The following RORA variants were observed in gnomAD, a reference collection of about 807,000 sequenced individuals.
The protein encoded by RORA is RAR related orphan receptor A.
Under a neutral mutation model 69.5 loss-of-function variants are expected in RORA, and 7 were observed. The ratio of observed to expected loss-of-function variants is 0.10; its 90% confidence interval spans 0.06 to 0.19. The LOEUF (loss-of-function observed/expected upper bound fraction) is 0.19, where lower values mean the gene tolerates loss of function less well. Among genes scored for constraint, RORA ranks in the 10% least tolerant of loss-of-function variants. RORA has a pLI of 1.00. For missense variants in RORA, 457 were observed against 663.0 expected (o/e 0.69, Z 3.41); for synonymous variants, 261 against 240.8 (o/e 1.08, Z -0.78).
At position 60,768,015 on chromosome 15, in the gene RORA, A is replaced by G. The variant is rs149166593; in HGVS notation, c.167-89329T>C. Among the ~76,000 whole-genome samples the G allele has an allele frequency of 2.0e-3, 310 of 152,310 alleles. 4 individuals are homozygous for G. In the East Asian group the frequency reaches 0.026, roughly 13 times the overall value. ...AGTACTACTCCATGCAGGGTGGCCT[A>G]TGGGTGGAGTTTTCCTGGCTGAATC... On this transcript the variant is annotated intron_variant, in intron 1 of 10. Coordinates refer to ENST00000335670, the MANE Select transcript of RORA (RefSeq NM_134261.3).
At chr15:60,773,790 G>T (rs936246445) in intron 1 of RORA, among the ~76,000 whole-genome samples, 4 of 152,120 alleles carry the variant, frequency 2.6e-5, no homozygotes, top group African/African-American at 9.7e-5. Context: ...TATCGACTCT[G>T]GAAACATCCA....
At chr15:60,854,061 A>G (rs944603758) in intron 1 of RORA, among the ~76,000 whole-genome samples, 5 of 152,182 alleles carry the variant, frequency 3.3e-5, no homozygotes, top group African/African-American at 1.2e-4. Flanking sequence ...GAAGAGATCG[A>G]GACCATCCTG....
intron 2 of RORA, among the ~76,000 whole-genome samples, chr15:60,570,761 A>C (rs1247707897): frequency 4.6e-5 from 7 of 152,176 alleles, no homozygotes; most frequent in Admixed American, 4.6e-4. Flanking sequence ...TTAGAGGGTC[A>C]CAGTACAGTA....
At chr15:61,095,231 C>T (rs1566986271) in intron 1 of RORA, among the ~76,000 whole-genome samples, 1 of 151,970 alleles carries the variant, frequency 6.6e-6, no homozygotes, top group Non-Finnish European at 1.5e-5. Flanking sequence ...CTCAGGTGGG[C>T]GGCTGCTGCA....
At chr15:60,825,887 A>T (rs971367040) in intron 1 of RORA, among the ~76,000 whole-genome samples, 1 of 152,252 alleles carries the variant, frequency 6.6e-6, no homozygotes, top group Non-Finnish European at 1.5e-5. Flanking sequence ...TCCTTACTGA[A>T]AAACTCTCTC....
At chr15:60,766,048 T>C (rs1398380600) in intron 1 of RORA, among the ~76,000 whole-genome samples, 1 of 152,204 alleles carries the variant, frequency 6.6e-6, no homozygotes, top group Non-Finnish European at 1.5e-5. Context: ...GCTTCTAAAT[T>C]ATTTATTACG....
At position 60,488,562 on chromosome 15, in the gene RORA, T is replaced by A. The variant is rs1021533022; in HGVS notation, c.*8893A>T. 3 of 152,092 alleles carry A rather than the reference T, an allele frequency of 2.0e-5. No homozygotes were observed. The highest frequency in any genetic ancestry group is 4.8e-5 in the African/African-American group (2 of 41,422). The allele number at this position is 152,092 out of a possible 1,614,324, so 9.4% of individuals were successfully genotyped here. A position where few individuals can be genotyped will look rare whatever the true frequency, so the allele number is the denominator to read the frequency against. ...AAACAGCTGGAAATAAGCAGACTAG[T>A]GTAAGAGTGAATTGAAAAGAAAACC... is the stretch of plus-strand genomic sequence containing the variant. On this transcript the variant is annotated 3_prime_UTR_variant, in exon 11 of 11. Transcript: ENST00000335670.
At position 60,497,072 on chromosome 15, in the gene RORA, C is replaced by T. The variant is rs1022622526; in HGVS notation, c.*383G>A. ...CAACCTCCGCTATGCACACCAGTCA[C>T]CGATTATTGCTGGACTCTCTGTTGT... is the stretch of plus-strand genomic sequence containing the variant. On this transcript the variant is annotated 3_prime_UTR_variant, in exon 11 of 11. Coordinates refer to ENST00000335670, the MANE Select transcript of RORA (RefSeq NM_134261.3). 3 of 164,552 alleles carry T rather than the reference C, an allele frequency of 1.8e-5. No individual in the cohort carries two copies. The highest frequency in any genetic ancestry group is 2.6e-5 in the Non-Finnish European group (2 of 76,190). The allele number at this position is 164,552 out of a possible 1,614,324, so 10.2% of individuals were successfully genotyped here.
intron 1 of RORA, among the ~76,000 whole-genome samples, chr15:61,005,970 TTTTGTTTTG>T (rs1283184745): frequency 2.0e-5 from 3 of 151,876 alleles, no homozygotes; most frequent in South Asian, 2.1e-4. Flanking sequence ...TTTTGTTTTG[TTTTGTTTTG>T]TTTTTTTTGA....
intron 1 of RORA, among the ~76,000 whole-genome samples, chr15:60,833,053 C>T (rs1437487299): frequency 6.6e-6 from 1 of 151,834 alleles, no homozygotes; most frequent in African/African-American, 2.4e-5. Flanking sequence ...TACAGGCGCC[C>T]ACCACCATGC....
At chr15:61,205,157 T>C (rs1174440761) in intron 1 of RORA, among the ~76,000 whole-genome samples, 2 of 152,172 alleles carry the variant, frequency 1.3e-5, no homozygotes, top group African/African-American at 4.8e-5. Context: ...GTAATAATTA[T>C]GGCTTTTCTT....
At chr15:61,093,650 G>A (rs574482943) in intron 1 of RORA, among the ~76,000 whole-genome samples, 1 of 152,324 alleles carries the variant, frequency 6.6e-6, no homozygotes, top group East Asian at 1.9e-4. Flanking sequence ...CTATAGAATT[G>A]CTCTTTGCTT....
rs1406705153 is a variant in RORA at position 60,568,537 on chromosome 15, T to C, written c.197-36686A>G. Among the ~76,000 whole-genome samples the C allele has an allele frequency of 3.3e-5, 5 of 152,156 alleles. No individual in the cohort carries two copies. The East Asian group carries it at 9.6e-4, about 29-fold the overall frequency. ...GATTCTAAGGAAGGAAGAAGCCCCT[T>C]TTCTCTGACAAGGCACTGGGGAAGT... On this transcript the variant is annotated intron_variant, in intron 2 of 10. Transcript: ENST00000335670.
At chr15:60,874,489 A>G (rs1045056414) in intron 1 of RORA, among the ~76,000 whole-genome samples, 1 of 152,126 alleles carries the variant, frequency 6.6e-6, no homozygotes, top group Admixed American at 6.6e-5. Flanking sequence ...GTAAGACTCA[A>G]CTCCACCATT....
rs140198036 is a variant in RORA at position 60,818,200 on chromosome 15, T to G, written c.167-139514A>C. ...ATTCTATTTAGGTTGGTGCAAAAGT[T>G]ATTGCAGTTTTTGCTATTACCTTTA... On this transcript the variant is annotated intron_variant, in intron 1 of 10. Transcript: ENST00000335670. 5.1e-3 allele frequency among the ~76,000 whole-genome samples: 784 copies of G among 152,240 alleles called. 8 individuals carry two copies. The highest frequency in any genetic ancestry group is 0.018 in the African/African-American group (751 of 41,544).
chr15:61,087,036 GC>G (rs1566981882), intron 1 of RORA, among the ~76,000 whole-genome samples: 2 of 152,148 alleles, frequency 1.3e-5, no homozygotes, highest in Non-Finnish European at 2.9e-5. Context: ...GCCAGCCATG[GC>G]AGTGTGGCCT....
At chr15:60,559,884 C>T (rs2067480799) in intron 2 of RORA, among the ~76,000 whole-genome samples, 1 of 152,192 alleles carries the variant, frequency 6.6e-6, no homozygotes, top group South Asian at 2.1e-4. Context: ...GCCAAATACA[C>T]ATAACTTTAT....
intron 1 of RORA, among the ~76,000 whole-genome samples, chr15:60,805,274 G>A (rs896049045): frequency 6.6e-6 from 1 of 152,210 alleles, no homozygotes; most frequent in South Asian, 2.1e-4. Flanking sequence ...ATAAAACCAT[G>A]TCAGTCATTT....
At chr15:61,185,948 T>A (rs1194523369) in intron 1 of RORA, among the ~76,000 whole-genome samples, 1 of 152,182 alleles carries the variant, frequency 6.6e-6, no homozygotes, top group Non-Finnish European at 1.5e-5. Flanking sequence ...GATAAACTCC[T>A]ATACATCCTT....
Sources: gnomAD v4.1 joint callset for allele counts (sites outside exome capture counted in the v4.1 genomes callset) on GRCh38, gnomAD v4.1.1 for gene constraint, MANE v1.5 for transcripts, NCBI Gene and HGNC (gene_info 2026-07-23, HGNC 2026-07-21) for gene names.